The following CTNNBL1 variants were observed in gnomAD, a reference collection of about 807,000 sequenced individuals.
CTNNBL1 encodes the protein beta-catenin-like protein 1.
CTNNBL1 carries 31 observed loss-of-function variants against 72.7 expected under a neutral mutation model. That is an observed-to-expected ratio of 0.43 (90% CI 0.32 to 0.58). The LOEUF (loss-of-function observed/expected upper bound fraction) is 0.58. Among genes scored for constraint, CTNNBL1 ranks in the 20% least tolerant of loss-of-function variants. CTNNBL1 has a pLI of 0.08. For synonymous variants in CTNNBL1, 240 were observed against 267.3 expected, an observed-to-expected ratio of 0.90 and a Z score of 1.00; for missense variants, 534 against 725.1, an observed-to-expected ratio of 0.74 and a Z score of 3.03.
intron 1 of CTNNBL1, among the ~76,000 whole-genome samples, chr20:37,699,220 C>T (rs1210727612): frequency 6.6e-6 from 1 of 152,180 alleles, no homozygotes; most frequent in African/African-American, 2.4e-5. Flanking sequence ...CAGAAAAGAG[C>T]ACCTACCTTA....
At chr20:37,755,168 A>G (rs1009856435) in intron 4 of CTNNBL1, among the ~76,000 whole-genome samples, 2 of 152,218 alleles carry the variant, frequency 1.3e-5, no homozygotes, top group Non-Finnish European at 2.9e-5. Flanking sequence ...ACCGAATCTT[A>G]TAATGCTGCT....
intron 9 of CTNNBL1, among the ~76,000 whole-genome samples, chr20:37,778,360 G>T (rs2073594443): frequency 6.6e-6 from 1 of 152,136 alleles, no homozygotes; most frequent in African/African-American, 2.4e-5. Flanking sequence ...AGAGTGTTGG[G>T]AGAGTCTGAG....
At chr20:37,697,331 A>G (rs1421891260) in intron 1 of CTNNBL1, among the ~76,000 whole-genome samples, 5 of 152,162 alleles carry the variant, frequency 3.3e-5, no homozygotes, top group African/African-American at 4.8e-5. Flanking sequence ...TCGAGGAAGG[A>G]CACAGAGGAA....
intron 1 of CTNNBL1, among the ~76,000 whole-genome samples, chr20:37,713,772 T>C (rs944041018): frequency 1.3e-5 from 2 of 152,198 alleles, no homozygotes; most frequent in African/African-American, 4.8e-5. Context: ...TTTCCTACTT[T>C]TAATGAAATA....
rs147789002 is a variant in CTNNBL1 at position 37,736,895 on chromosome 20, C to T, written c.220-483C>T. Among the ~76,000 whole-genome samples the T allele has an allele frequency of 1.7e-3, 260 of 152,266 alleles. 1 individual carries two copies. Among genetic ancestry groups the T allele is most frequent in the African/African-American group, 6.0e-3 (249 of 41,530 alleles). On this transcript the variant is annotated intron_variant, in intron 2 of 15. Coordinates refer to ENST00000361383, the MANE Select transcript of CTNNBL1 (RefSeq NM_030877.5). The stretch of plus-strand genomic sequence containing the variant: ...ATACCCGAAAAGAAGCATGTGATTA[C>T]AGGCCCTTACTCCTCATTGTAATTA...
intron 4 of CTNNBL1, among the ~76,000 whole-genome samples, chr20:37,752,143 T>C (rs2073324664): frequency 6.6e-6 from 1 of 152,236 alleles, no homozygotes; most frequent in African/African-American, 2.4e-5. Flanking sequence ...AGGTAAAATC[T>C]ATGTCCCTGG....
intron 10 of CTNNBL1, among the ~76,000 whole-genome samples, chr20:37,800,138 G>A (rs2073811813): frequency 6.6e-6 from 1 of 152,126 alleles, no homozygotes; most frequent in Non-Finnish European, 1.5e-5. Context: ...CCTTTTCTTT[G>A]GCTTTCACAT....
chr20:37,718,595 C>A (rs1322472390), intron 1 of CTNNBL1, among the ~76,000 whole-genome samples: 2 of 149,708 alleles, frequency 1.3e-5, no homozygotes, highest in Admixed American at 6.6e-5. Flanking sequence ...GGGGCTGACC[C>A]CCCCCACCTC....
At chr20:37,774,046 G>A (rs1303521658) in intron 7 of CTNNBL1, among the ~76,000 whole-genome samples, 4 of 151,042 alleles carry the variant, frequency 2.6e-5, no homozygotes, top group African/African-American at 9.8e-5. Flanking sequence ...CCAAGTAGCT[G>A]GGACTTCAGG....
At chr20:37,777,514 C>A in intron 8 of CTNNBL1, 97 bp downstream of exon 8, 1 of 1,403,956 alleles carries the variant, frequency 7.1e-7, no homozygotes, top group South Asian at 1.2e-5. Context: ...CATCCCCTTG[C>A]TCTCCCTCTC....
At chr20:37,824,495 T>C (rs2072140518) in intron 11 of CTNNBL1, among the ~76,000 whole-genome samples, 1 of 152,232 alleles carries the variant, frequency 6.6e-6, no homozygotes, top group African/African-American at 2.4e-5. Flanking sequence ...CTTTTGGCCC[T>C]ACTTAGGACT....
intron 15 of CTNNBL1, among the ~76,000 whole-genome samples, chr20:37,869,229 G>A (rs1022057879): frequency 2.2e-4 from 33 of 152,214 alleles, no homozygotes; most frequent in Non-Finnish European, 5.9e-5. Context: ...GAGGAACGGG[G>A]CAAAATAAAG....
chr20:37,746,664 A>C (rs918448499), intron 4 of CTNNBL1, 57 bp downstream of exon 4: 1 of 1,593,022 alleles, frequency 6.3e-7, no homozygotes, highest in Non-Finnish European at 8.6e-7. Context: ...AAGTGCTGTT[A>C]CTCTTTCTCC....
At chr20:37,700,794 G>T (rs1428251617) in intron 1 of CTNNBL1, among the ~76,000 whole-genome samples, 1 of 152,082 alleles carries the variant, frequency 6.6e-6, no homozygotes, top group East Asian at 1.9e-4. Flanking sequence ...ATTTAGTATG[G>T]CTTGTGACAT....
At chr20:37,715,598 T>C (rs1433183467) in intron 1 of CTNNBL1, among the ~76,000 whole-genome samples, 2 of 152,222 alleles carry the variant, frequency 1.3e-5, no homozygotes, top group Non-Finnish European at 2.9e-5. Context: ...TATGCAGCTT[T>C]ATTTAAAAGA....
chr20:37,778,655 G>C (rs538605946), intron 9 of CTNNBL1, among the ~76,000 whole-genome samples: 27 of 152,294 alleles, frequency 1.8e-4, no homozygotes, highest in African/African-American at 6.3e-4. Flanking sequence ...GAATTCAGTA[G>C]CCTTGGTTGT....
intron 7 of CTNNBL1, among the ~76,000 whole-genome samples, chr20:37,774,408 G>C (rs1470057781): frequency 6.6e-6 from 1 of 152,148 alleles, no homozygotes; most frequent in Non-Finnish European, 1.5e-5. Flanking sequence ...CTTCTCAGCT[G>C]GCACTGCTTT....
chr20:37,835,315 T>C (rs2072244236), intron 11 of CTNNBL1, among the ~76,000 whole-genome samples: 1 of 152,222 alleles, frequency 6.6e-6, no homozygotes, highest in Admixed American at 6.5e-5. Context: ...CCATCCCTCA[T>C]AATAAATCTT....
At chr20:37,808,693 C>G (rs1288470950) in intron 11 of CTNNBL1, among the ~76,000 whole-genome samples, 2 of 152,110 alleles carry the variant, frequency 1.3e-5, no homozygotes, top group Non-Finnish European at 2.9e-5. Context: ...CTTGGGTGAT[C>G]TCATCTACTC....
Sources: allele counts gnomAD v4.1 joint callset (sites outside exome capture counted in the v4.1 genomes callset), GRCh38; gene constraint gnomAD v4.1.1; transcripts MANE v1.5; gene names NCBI Gene and HGNC (gene_info 2026-07-23, HGNC 2026-07-21).